Variants in MDM2 observed in about 807,000 individuals in gnomAD.
MDM2 encodes MDM2 proto-oncogene.
Under a neutral mutation model 64.3 loss-of-function variants are expected in MDM2, and 11 were observed. That is an observed-to-expected ratio of 0.17 (90% CI 0.11 to 0.28). MDM2 has a LOEUF of 0.28. Among genes scored for constraint, MDM2 ranks in the 10% least tolerant of loss-of-function variants. The pLI is 1.00. For missense variants in MDM2, 388 were observed against 577.1 expected, an observed-to-expected ratio of 0.67 and a Z score of 3.36; for synonymous variants, 194 against 192.9, an observed-to-expected ratio of 1.01 and a Z score of -0.05.
downstream of MDM2, chr12:68,849,048 G>A (rs1884519434): frequency 6.6e-6 from 1 of 151,270 alleles, no homozygotes; most frequent in Admixed American, 6.6e-5. Flanking sequence ...GTGGGAGGTG[G>A]AAGTATCTCG....
intron 9 of MDM2, 28 bp downstream of exon 9, chr12:68,836,012 A>G (rs989681648): frequency 6.6e-7 from 1 of 1,524,142 alleles, no homozygotes; most frequent in South Asian, 1.3e-5. Context: ...CTCTAATTAT[A>G]TTGGAAAATT....
At chr12:68,837,802 A>C (rs1167577391) in intron 10 of MDM2, among the ~76,000 whole-genome samples, 1 of 152,012 alleles carries the variant, frequency 6.6e-6, no homozygotes, top group Non-Finnish European at 1.5e-5. Context: ...ATTGTGCTTT[A>C]GTTTTTGTTC....
At chr12:68,829,765 C>CAA (rs10658881) in intron 8 of MDM2, among the ~76,000 whole-genome samples, 1,272 of 104,864 alleles carry the variant, frequency 0.012, 18 homozygotes, top group African/African-American at 0.041. Context: ...GACTCCATCT[C>CAA]AAAAAAAAAA....
At chr12:68,835,723 T>G in intron 8 of MDM2, 106 bp from the exon 9 acceptor site, 2 of 1,105,848 alleles carry the variant, frequency 1.8e-6, no homozygotes, top group South Asian at 3.5e-5. Context: ...ATCCCCCAAC[T>G]GTTACACCCT....
At chr12:68,826,446 C>T (rs924578092) in intron 7 of MDM2, among the ~76,000 whole-genome samples, 6 of 151,748 alleles carry the variant, frequency 4.0e-5, no homozygotes, top group East Asian at 2.0e-4. Context: ...GTTAAGAGTT[C>T]GAGACCAACC....
chr12:68,849,390 GTTTTT>G (rs67479332), downstream of MDM2: 1 of 129,078 alleles, frequency 7.7e-6, no homozygotes, highest in South Asian at 2.5e-4. Context: ...GCGCCTGGCC[GTTTTT>G]TTTTTTGTTG....
rs758204305 is a variant in MDM2, at chr12:68,844,067, A to AT, written c.*4223dup. The AT allele has an allele frequency of 4.9e-6, 1 of 205,834 alleles. No homozygotes were observed. The highest frequency in any genetic ancestry group is 1.9e-4 in the South Asian group (1 of 5,302). 12.8% of individuals were successfully genotyped at this position (205,834 alleles called of 1,614,324 possible). On this transcript the variant is annotated 3_prime_UTR_variant, in exon 11 of 11. Coordinates refer to ENST00000258149, the MANE Select transcript of MDM2 (RefSeq NM_002392.6). Reference sequence around the variant, plus strand: ...TTGATATATGGAGGCAGTGACAGCTATTTTTACAAAATTTAAATCTGCAAA... The same window carrying AT: ...TTGATATATGGAGGCAGTGACAGCTATTTTTTACAAAATTTAAATCTGCAAA...
At chr12:68,811,696 C>T (rs930403290) in intron 2 of MDM2, among the ~76,000 whole-genome samples, 1 of 150,612 alleles carries the variant, frequency 6.6e-6, no homozygotes, top group African/African-American at 2.5e-5. Context: ...CCTCTGCTTC[C>T]TGGGTTCAAG....
chr12:68,818,845 C>T (rs976746832), intron 4 of MDM2, among the ~76,000 whole-genome samples: 1 of 151,738 alleles, frequency 6.6e-6, no homozygotes, highest in African/African-American at 2.4e-5. Flanking sequence ...ATTCTCTTGC[C>T]TCAGCCTCCT....
At position 68,844,840 on chromosome 12, in the gene MDM2, C is replaced by T. The variant is rs987896305; in HGVS notation, c.*4991C>T. On this transcript the variant is annotated 3_prime_UTR_variant, in exon 11 of 11. Coordinates refer to ENST00000258149, the MANE Select transcript of MDM2 (RefSeq NM_002392.6). ...GGAGTACAGTGGTGCAATCTTGGCT[C>T]ACTGCAACCTCTGCCTCCTGGCTGT... 2 of 201,890 alleles carry T rather than the reference C, an allele frequency of 9.9e-6. No homozygotes were observed. Among genetic ancestry groups the T allele is most frequent in the Non-Finnish European group, 2.0e-5 (2 of 98,288 alleles). The allele number at this position is 201,890 out of a possible 1,614,324, so 12.5% of individuals were successfully genotyped here.
chr12:68,810,718 C>T (rs890869236), intron 2 of MDM2, among the ~76,000 whole-genome samples: 5 of 152,114 alleles, frequency 3.3e-5, no homozygotes, highest in Non-Finnish European at 5.9e-5. Context: ...GCCTCGGCCT[C>T]CCAAAGTGCT....
chr12:68,833,212 CTA>C (rs1882969642), intron 8 of MDM2, among the ~76,000 whole-genome samples: 1 of 92,636 alleles, frequency 1.1e-5, no homozygotes, highest in Non-Finnish European at 2.1e-5. Flanking sequence ...AATTATAAAT[CTA>C]TTATATATTA....
chr12:68,817,737 G>A (rs2136123216), intron 4 of MDM2, among the ~76,000 whole-genome samples: 1 of 151,790 alleles, frequency 6.6e-6, no homozygotes, highest in Non-Finnish European at 1.5e-5. Flanking sequence ...CCTGGGCAAC[G>A]AGCAAAACTG....
chr12:68,847,452 C>CTTTTTTTTTTTTTTT (rs772905678), downstream of MDM2: 20 of 88,694 alleles, frequency 2.3e-4, 1 homozygote, highest in African/African-American at 7.9e-4. Context: ...TATCTCCTTT[C>CTTTTTTTTTTTTTTT]TTTTTTTTTT....
chr12:68,809,257 A>C lies in MDM2; in HGVS notation c.64A>C (p.Thr22Pro). Residue 22 changes from threonine (T) to proline (P), a missense_variant, in exon 2 of 11, where the codon ACC (threonine) becomes CCC (proline). Physicochemically the swap from Thr to Pro is conservative, Grantham distance 38. This residue lies in a region of MDM2 where 46 missense variants were observed against 45.2 expected (regional missense o/e 1.02). Transcript: ENST00000258149. ...MSVPTDGAVT[T>P]SQIPASEQET... is the part of the protein sequence containing the mutation. ...TGTACCTACTGATGGTGCTGTAACCACCTCACAGATTCCAGCTTCGGAACA... is the reference window on the plus strand; with the variant it reads ...TGTACCTACTGATGGTGCTGTAACCCCCTCACAGATTCCAGCTTCGGAACA... 6.2e-7 allele frequency: 1 copy of C among 1,614,046 alleles called. No individual in the cohort carries two copies. The highest frequency in any genetic ancestry group is 8.5e-7 in the Non-Finnish European group (1 of 1,180,008).
intron 8 of MDM2, 78 bp from the exon 9 acceptor site, chr12:68,835,751 C>T: frequency 7.3e-7 from 1 of 1,375,452 alleles, no homozygotes. Context: ...GCAGCAGAGG[C>T]ACAGGGATGA....
chr12:68,848,733 G>A (rs1285608592), downstream of MDM2: 1 of 152,076 alleles, frequency 6.6e-6, no homozygotes, highest in Non-Finnish European at 1.5e-5. Context: ...TTTTGGGGGG[G>A]ACGAAGTCTC....
downstream of MDM2, chr12:68,849,394 T>C (rs1884548373): frequency 8.0e-6 from 1 of 124,604 alleles, no homozygotes; most frequent in Admixed American, 8.2e-5. Context: ...CTGGCCGTTT[T>C]TTTTTTTGTT....
At chr12:68,816,649 G>A (rs1188388678) in intron 3 of MDM2, among the ~76,000 whole-genome samples, 163 bp from the exon 4 acceptor site, 4 of 152,028 alleles carry the variant, frequency 2.6e-5, no homozygotes, top group Non-Finnish European at 5.9e-5. Context: ...GAGCCACTGC[G>A]CCCAGCCAAA....
Sources: allele counts gnomAD v4.1 joint callset (sites outside exome capture counted in the v4.1 genomes callset), GRCh38; gene constraint gnomAD v4.1.1; regional missense constraint gnomAD v4.1.1; transcripts MANE v1.5; gene names NCBI Gene and HGNC (gene_info 2026-07-23, HGNC 2026-07-21).